The following LRP1B variants were observed in gnomAD, a reference collection of about 807,000 sequenced individuals.
LRP1B encodes the protein LDL receptor related protein 1B.
A neutral mutation model predicts 556.6 loss-of-function variants in LRP1B; 217 were observed. That is an observed-to-expected ratio of 0.39 (90% confidence interval 0.35 to 0.44). The LOEUF (loss-of-function observed/expected upper bound fraction) is 0.44. LRP1B is among the 20% of genes least tolerant of loss of function. The probability of loss-of-function intolerance (pLI) is 1.00; values close to 1 mark genes in which losing one functional copy is unlikely to be tolerated. For missense variants in LRP1B, 5,053 were observed against 5,620.8 expected, an observed-to-expected ratio of 0.90 and a Z score of 3.23; for synonymous variants, 2,047 against 1,865.8, an observed-to-expected ratio of 1.10 and a Z score of -2.50.
intron 35 of LRP1B, among the ~76,000 whole-genome samples, chr2:140,748,530 A>C (rs1688427636): frequency 8.3e-6 from 1 of 120,452 alleles, no homozygotes; most frequent in Non-Finnish European, 1.7e-5. Flanking sequence ...TCTGGTGTTC[A>C]AAATGTAAAT....
intron 47 of LRP1B, among the ~76,000 whole-genome samples, chr2:140,530,309 A>G (rs539071023): frequency 1.8e-4 from 27 of 152,200 alleles, no homozygotes; most frequent in Non-Finnish European, 2.9e-4. Flanking sequence ...CTGACAATAG[A>G]AAGAGAGAAG....
Position 142,130,779 on chromosome 2 carries a change from T to C in LRP1B, c.-50A>G, listed in dbSNP as rs1052607588. 1 of 1,532,042 alleles carries C rather than the reference T, an allele frequency of 6.5e-7. No homozygotes were observed. Among genetic ancestry groups the C allele is most frequent in the South Asian group, 1.2e-5 (1 of 86,670 alleles). The allele number at this position is 1,532,042 out of a possible 1,614,324, so 94.9% of individuals were successfully genotyped here. On this transcript the variant is annotated 5_prime_UTR_variant, in exon 1 of 91. Coordinates refer to ENST00000389484, the MANE Select transcript of LRP1B (RefSeq NM_018557.3). The stretch of plus-strand genomic sequence containing the variant: ...GCGCTGGAGACTGCTCGGCGGCACC[T>C]TCGGCCCGGCGGCGGCGGCGGCGGC...
At chr2:141,707,664 C>T (rs995242600) in intron 2 of LRP1B, among the ~76,000 whole-genome samples, 3 of 152,098 alleles carry the variant, frequency 2.0e-5, no homozygotes, top group East Asian at 1.9e-4. Flanking sequence ...GTGTCTGCCA[C>T]GTGTCAAGCA....
chr2:141,666,804 T>C (rs1422959855), intron 2 of LRP1B, among the ~76,000 whole-genome samples: 1 of 152,320 alleles, frequency 6.6e-6, no homozygotes, highest in South Asian at 2.1e-4. Flanking sequence ...GGACAAACTC[T>C]AGGAGAAACA....
intron 67 of LRP1B, 40 bp downstream of exon 67, chr2:140,385,853 G>T (rs1455723319): frequency 1.5e-6 from 2 of 1,352,180 alleles, no homozygotes; most frequent in Non-Finnish European, 2.1e-6. Context: ...TATTGAATGG[G>T]CTGTCAAGCT....
intron 84 of LRP1B, among the ~76,000 whole-genome samples, chr2:140,284,682 T>A (rs949113692): frequency 6.6e-6 from 1 of 151,120 alleles, no homozygotes; most frequent in East Asian, 2.0e-4. Context: ...AAATCTATAG[T>A]TGAAGCAACG....
At chr2:141,613,280 G>A (rs925933482) in intron 2 of LRP1B, among the ~76,000 whole-genome samples, 2 of 152,076 alleles carry the variant, frequency 1.3e-5, no homozygotes, top group Non-Finnish European at 2.9e-5. Flanking sequence ...TTTAGGTCCT[G>A]TAGTCATTGA....
At chr2:141,853,322 G>C (rs182254238) in intron 1 of LRP1B, among the ~76,000 whole-genome samples, 1 of 151,198 alleles carries the variant, frequency 6.6e-6, no homozygotes, top group African/African-American at 2.4e-5. Flanking sequence ...AAGTTATAAC[G>C]GTTATGAAGA....
intron 3 of LRP1B, among the ~76,000 whole-genome samples, chr2:141,355,624 A>C (rs1688600335): frequency 6.6e-6 from 1 of 152,146 alleles, no homozygotes; most frequent in African/African-American, 2.4e-5. Flanking sequence ...CTTCAATTTA[A>C]GTTTGTAGCC....
chr2:141,115,786 T>C (rs1700883840), intron 7 of LRP1B, among the ~76,000 whole-genome samples: 1 of 151,944 alleles, frequency 6.6e-6, no homozygotes, highest in Non-Finnish European at 1.5e-5. Flanking sequence ...CCCACCTGAC[T>C]AGCATTTTTA....
At chr2:141,559,643 G>A (rs1194681107) in intron 2 of LRP1B, among the ~76,000 whole-genome samples, 1 of 151,504 alleles carries the variant, frequency 6.6e-6, no homozygotes, top group Non-Finnish European at 1.5e-5. Context: ...GTTTTAAATA[G>A]GGAATAGTTT....
chr2:140,282,225 A>G (rs1016951966), intron 84 of LRP1B, among the ~76,000 whole-genome samples: 1 of 151,812 alleles, frequency 6.6e-6, no homozygotes, highest in Non-Finnish European at 1.5e-5. Flanking sequence ...ACCTTCTTTT[A>G]GTAAAATGAT....
intron 2 of LRP1B, among the ~76,000 whole-genome samples, chr2:141,716,723 C>T (rs1235706330): frequency 6.6e-6 from 1 of 152,148 alleles, no homozygotes; most frequent in Non-Finnish European, 1.5e-5. Flanking sequence ...CTTTCTATAG[C>T]ATGCTGTGCT....
intron 17 of LRP1B, among the ~76,000 whole-genome samples, chr2:140,985,212 C>G (rs1039466997): frequency 1.3e-5 from 2 of 151,962 alleles, no homozygotes; most frequent in African/African-American, 2.4e-5. Context: ...CAAGAGGAGA[C>G]TAGAGCATAG....
intron 32 of LRP1B, among the ~76,000 whole-genome samples, chr2:140,787,516 CTTTA>C (rs1276282665): frequency 7.5e-6 from 1 of 134,058 alleles, no homozygotes; most frequent in Non-Finnish European, 1.6e-5. Context: ...TCTTAAAGGA[CTTTA>C]TTTATTTACA....
chr2:141,189,963 A>AAAAGGAAGAAAAGC (rs1259294897), intron 6 of LRP1B, among the ~76,000 whole-genome samples: 144 of 152,194 alleles, frequency 9.5e-4, no homozygotes, highest in Non-Finnish European at 1.7e-3. Context: ...GGAAGAAAAG[A>AAAAGGAAGAAAAGC]AAGAAAGAAA....
intron 35 of LRP1B, among the ~76,000 whole-genome samples, chr2:140,764,493 A>G (rs1689034462): frequency 2.0e-5 from 3 of 152,138 alleles, no homozygotes; most frequent in Admixed American, 2.0e-4. Context: ...TACTCCTTCT[A>G]GTTCTATGTT....
intron 7 of LRP1B, among the ~76,000 whole-genome samples, chr2:141,161,963 C>A (rs1284954684): frequency 6.6e-6 from 1 of 151,896 alleles, no homozygotes; most frequent in African/African-American, 2.4e-5. Context: ...ACTACAAAAC[C>A]CTGACAACTT....
intron 80 of LRP1B, among the ~76,000 whole-genome samples, chr2:140,324,720 G>GACATTTATATTTTACTAA (rs1680367218): frequency 6.6e-6 from 1 of 151,530 alleles, no homozygotes; most frequent in Admixed American, 6.6e-5. Context: ...ATAACAAAAC[G>GACATTTATATTTTACTAA]ACATTTATAT....
Sources: gnomAD v4.1 joint callset for allele counts (sites outside exome capture counted in the v4.1 genomes callset) on GRCh38, gnomAD v4.1.1 for gene constraint, MANE v1.5 for transcripts, NCBI Gene and HGNC (gene_info 2026-07-23, HGNC 2026-07-21) for gene names.